The following GUCY1A2 variants were observed in gnomAD, a reference collection of about 807,000 sequenced individuals.
GUCY1A2 encodes guanylate cyclase 1 soluble subunit alpha 2.
A neutral mutation model predicts 63.5 loss-of-function variants in GUCY1A2; 27 were observed. That is an observed-to-expected ratio of 0.43 (90% CI 0.31 to 0.59). The LOEUF is 0.59. GUCY1A2 is among the 20% of genes least tolerant of loss of function. The pLI is 0.11. For synonymous variants in GUCY1A2, 364 were observed against 343.5 expected, an observed-to-expected ratio of 1.06 and a Z score of -0.66; for missense variants, 768 against 913.3, an observed-to-expected ratio of 0.84 and a Z score of 2.05.
chr11:106,720,694 A>C (rs1488461223), intron 6 of GUCY1A2, among the ~76,000 whole-genome samples: 3 of 152,238 alleles, frequency 2.0e-5, no homozygotes, highest in Non-Finnish European at 4.4e-5. Flanking sequence ...ACAGAAAGCT[A>C]AAATAAAATT....
chr11:106,854,956 C>T (rs967016770), intron 4 of GUCY1A2, among the ~76,000 whole-genome samples: 1 of 152,140 alleles, frequency 6.6e-6, no homozygotes, highest in African/African-American at 2.4e-5. Flanking sequence ...GGGACCAAGC[C>T]ACAATGCCAG....
At chr11:106,888,408 T>C (rs1301157017) in intron 4 of GUCY1A2, among the ~76,000 whole-genome samples, 1 of 151,594 alleles carries the variant, frequency 6.6e-6, no homozygotes, top group Non-Finnish European at 1.5e-5. Flanking sequence ...GAGCTTGCAG[T>C]GAGCCGAGAT....
rs555054327 is a variant in GUCY1A2, at chr11:106,793,136, G to A, written c.1693-16554C>T. ...ATTTCAAACTAATCACTACAGAATC[G>A]TAATGAAAATAGTATGGTGATTGCA... On this transcript the variant is annotated intron_variant, in intron 5 of 7. Coordinates refer to ENST00000526355, the MANE Select transcript of GUCY1A2 (RefSeq NM_000855.3). 2.6e-4 allele frequency among the ~76,000 whole-genome samples: 39 copies of A among 152,192 alleles called. 1 individual carries two copies. The South Asian group carries it at 7.3e-3, about 28-fold the overall frequency.
intron 5 of GUCY1A2, among the ~76,000 whole-genome samples, chr11:106,788,028 C>G (rs758005682): frequency 6.6e-6 from 1 of 152,108 alleles, no homozygotes; most frequent in Non-Finnish European, 1.5e-5. Context: ...CCCTTTGCTC[C>G]AGATTTTCTC....
At chr11:106,728,203 T>C (rs1863440397) in intron 6 of GUCY1A2, among the ~76,000 whole-genome samples, 1 of 152,158 alleles carries the variant, frequency 6.6e-6, no homozygotes, top group Non-Finnish European at 1.5e-5. Context: ...CTACCTACCT[T>C]AATTACCTAA....
At chr11:106,968,770 T>C (rs1861158028) in intron 3 of GUCY1A2, among the ~76,000 whole-genome samples, 1 of 152,294 alleles carries the variant, frequency 6.6e-6, no homozygotes, top group African/African-American at 2.4e-5. Flanking sequence ...CTACCCAACC[T>C]GATCCTATCT....
chr11:106,762,285 ATACT>A (rs1306609129), intron 6 of GUCY1A2, among the ~76,000 whole-genome samples: 2 of 152,136 alleles, frequency 1.3e-5, no homozygotes, highest in African/African-American at 2.4e-5. Context: ...ATATAAAAGA[ATACT>A]TACTTGTGCA....
intron 4 of GUCY1A2, among the ~76,000 whole-genome samples, chr11:106,877,423 C>A (rs1859765107): frequency 6.6e-6 from 1 of 152,056 alleles, no homozygotes; most frequent in Admixed American, 6.6e-5. Context: ...ACCAAAACAG[C>A]ATGGTGCTGG....
At chr11:106,884,372 A>G (rs1387998210) in intron 4 of GUCY1A2, among the ~76,000 whole-genome samples, 1 of 152,172 alleles carries the variant, frequency 6.6e-6, no homozygotes, top group African/African-American at 2.4e-5. Flanking sequence ...ATTAGACATT[A>G]GAAGAATAGA....
intron 4 of GUCY1A2, among the ~76,000 whole-genome samples, chr11:106,855,134 G>A (rs1859411252): frequency 6.6e-6 from 1 of 152,124 alleles, no homozygotes; most frequent in African/African-American, 2.4e-5. Flanking sequence ...TGGTCTCGGG[G>A]AGTGAGTGGG....
intron 6 of GUCY1A2, among the ~76,000 whole-genome samples, chr11:106,733,134 G>A (rs1863531922): frequency 2.0e-5 from 3 of 152,124 alleles, no homozygotes; most frequent in Admixed American, 2.0e-4. Context: ...CTTGCCAAAA[G>A]GACATGTTAT....
At chr11:106,933,735 CATATAT>C (rs566131207) in intron 4 of GUCY1A2, among the ~76,000 whole-genome samples, 16 of 152,248 alleles carry the variant, frequency 1.1e-4, no homozygotes, top group Non-Finnish European at 1.8e-4. Context: ...CAATGTAGTA[CATATAT>C]ATCATGGAAT....
chr11:106,688,554 A>G (rs1862567726), intron 7 of GUCY1A2, among the ~76,000 whole-genome samples: 1 of 152,200 alleles, frequency 6.6e-6, no homozygotes, highest in South Asian at 2.1e-4. Flanking sequence ...ACTTCTGTGA[A>G]TATAAGAAGT....
chr11:106,855,052 C>T (rs1194168940), intron 4 of GUCY1A2, among the ~76,000 whole-genome samples: 1 of 151,892 alleles, frequency 6.6e-6, no homozygotes, highest in Non-Finnish European at 1.5e-5. Context: ...ATGCAAGGCC[C>T]GTTGGGCCTC....
intron 4 of GUCY1A2, among the ~76,000 whole-genome samples, chr11:106,897,906 G>T (rs1860074057): frequency 1.3e-5 from 2 of 152,004 alleles, no homozygotes; most frequent in South Asian, 2.1e-4. Flanking sequence ...AATATAAAGA[G>T]AATGAAAAGA....
At chr11:106,942,814 G>A (rs888038404) in intron 3 of GUCY1A2, among the ~76,000 whole-genome samples, 1 of 152,144 alleles carries the variant, frequency 6.6e-6, no homozygotes, top group African/African-American at 2.4e-5. Flanking sequence ...ACTACTCTAT[G>A]CGCAGCAATC....
At chr11:106,922,104 T>G (rs1213355460) in intron 4 of GUCY1A2, among the ~76,000 whole-genome samples, 1 of 152,122 alleles carries the variant, frequency 6.6e-6, no homozygotes, top group Non-Finnish European at 1.5e-5. Flanking sequence ...CCTCATGAAA[T>G]TGATTCTAAG....
Position 106,686,456 on chromosome 11 carries a change from C to T in GUCY1A2, c.*1093G>A, listed in dbSNP as rs1047079081. ...GTGTTGTACAAGAAGAAACAACATT[C>T]TTGGCAAACTGTCCTGACACTTCTT... On this transcript the variant is annotated 3_prime_UTR_variant, in exon 8 of 8. Coordinates refer to ENST00000526355, the MANE Select transcript of GUCY1A2 (RefSeq NM_000855.3). The T allele has an allele frequency of 4.6e-6, 1 of 217,692 alleles. No homozygotes were observed. Among genetic ancestry groups the T allele is most frequent in the Non-Finnish European group, 9.2e-6 (1 of 108,286 alleles). 13.5% of individuals were successfully genotyped at this position (217,692 alleles called of 1,614,324 possible). A position where few individuals can be genotyped will look rare whatever the true frequency, so the allele number is the denominator to read the frequency against.
intron 4 of GUCY1A2, among the ~76,000 whole-genome samples, chr11:106,855,463 T>C (rs1227029584): frequency 6.8e-6 from 1 of 146,340 alleles, no homozygotes; most frequent in African/African-American, 2.6e-5. Flanking sequence ...GGTTATCCTC[T>C]TGCTGTTTTG....
Sources: gnomAD v4.1 joint callset for allele counts (sites outside exome capture counted in the v4.1 genomes callset) on GRCh38, gnomAD v4.1.1 for gene constraint, MANE v1.5 for transcripts, NCBI Gene and HGNC (gene_info 2026-07-23, HGNC 2026-07-21) for gene names.